CDH13: variants seen among roughly 807,000 people sequenced by gnomAD.
The protein encoded by CDH13 is cadherin 13, also known as cadherin-13.
In CDH13, 24 loss-of-function variants were observed where a neutral mutation model predicts 63.8. That is an observed-to-expected ratio of 0.38 (90% CI 0.27 to 0.53). The LOEUF (loss-of-function observed/expected upper bound fraction) is 0.53, where lower values mean the gene tolerates loss of function less well. CDH13 is among the 20% of genes least tolerant of loss of function. CDH13 has a pLI of 0.85. For synonymous variants in CDH13, 503 were observed against 355.3 expected, an observed-to-expected ratio of 1.42 and a Z score of -4.67; for missense variants, 1,049 against 903.1, an observed-to-expected ratio of 1.16 and a Z score of -2.07.
intron 8 of CDH13, among the ~76,000 whole-genome samples, chr16:83,620,389 CAAA>C (rs60446363): frequency 1.1e-4 from 11 of 97,344 alleles, no homozygotes; most frequent in Admixed American, 2.2e-4. Flanking sequence ...GACTCCGTCT[CAAA>C]AAAAAAAAAA....
intron 4 of CDH13, among the ~76,000 whole-genome samples, chr16:83,200,972 T>TGTGTGTGTGTGTGTG (rs2039012658): frequency 6.9e-6 from 1 of 144,996 alleles, no homozygotes; most frequent in African/African-American, 2.6e-5. Flanking sequence ...TGTGTGTGTG[T>TGTGTGTGTGTGTGTG]TATTGGGATC....
Position 83,328,562 on chromosome 16 carries a change from G to A in CDH13, c.637-16300G>A, listed in dbSNP as rs550650108. 1.2e-4 allele frequency among the ~76,000 whole-genome samples: 18 copies of A among 152,298 alleles called. No homozygotes were observed. The South Asian group carries it at 3.3e-3, about 28-fold the overall frequency. On this transcript the variant is annotated intron_variant, in intron 5 of 13. Transcript: ENST00000567109. ...TGGTGAATAGAGTGGGAGGACAAGA[G>A]CAGAAAGAGCAACTCAGAAACAATT...
At chr16:82,991,611 A>T (rs1397386572) in intron 2 of CDH13, among the ~76,000 whole-genome samples, 1 of 152,172 alleles carries the variant, frequency 6.6e-6, no homozygotes, top group Non-Finnish European at 1.5e-5. Flanking sequence ...CTTACCCTTG[A>T]CATGTGGGTG....
At chr16:83,319,581 C>T (rs1023560586) in intron 5 of CDH13, among the ~76,000 whole-genome samples, 1 of 152,070 alleles carries the variant, frequency 6.6e-6, no homozygotes, top group African/African-American at 2.4e-5. Context: ...ATATTGAAAT[C>T]CTCAATATTT....
chr16:82,862,672 A>T (rs764654349), intron 2 of CDH13, among the ~76,000 whole-genome samples: 1 of 152,354 alleles, frequency 6.6e-6, no homozygotes, highest in South Asian at 2.1e-4. Flanking sequence ...TTTACCTACA[A>T]TACAACTTGC....
intron 4 of CDH13, among the ~76,000 whole-genome samples, chr16:83,182,344 G>A (rs1299908523): frequency 6.6e-6 from 1 of 152,216 alleles, no homozygotes; most frequent in East Asian, 1.9e-4. Context: ...TGCAGGAGAA[G>A]GTGGAAGAGT....
chr16:82,629,484 A>G (rs1226319876), intron 1 of CDH13, among the ~76,000 whole-genome samples: 1 of 152,232 alleles, frequency 6.6e-6, no homozygotes, highest in African/African-American at 2.4e-5. Context: ...AAGTGGGGAA[A>G]GTCTTCGAGG....
chr16:82,850,231 G>GC (rs1182952853), intron 1 of CDH13, among the ~76,000 whole-genome samples: 2 of 151,830 alleles, frequency 1.3e-5, no homozygotes, highest in South Asian at 2.1e-4. Context: ...ATTCATGGGG[G>GC]GTGGTTAAAA....
intron 5 of CDH13, among the ~76,000 whole-genome samples, chr16:83,312,528 A>T (rs2090022932): frequency 6.6e-6 from 1 of 152,074 alleles, no homozygotes; most frequent in South Asian, 2.1e-4. Flanking sequence ...GCCAGGAGAG[A>T]GCTTCTGATT....
chr16:83,219,306 C>T (rs1394870876), intron 5 of CDH13, among the ~76,000 whole-genome samples: 2 of 89,230 alleles, frequency 2.2e-5, no homozygotes, highest in African/African-American at 3.4e-5. Context: ...CTTGGAGCTT[C>T]CCATACTTTT....
At chr16:83,763,162 C>G (rs1914112274) in intron 11 of CDH13, among the ~76,000 whole-genome samples, 1 of 152,106 alleles carries the variant, frequency 6.6e-6, no homozygotes, top group South Asian at 2.1e-4. Flanking sequence ...GACTTAGCAA[C>G]TTATATAAAG....
At chr16:82,932,079 G>T (rs1597239667) in intron 2 of CDH13, among the ~76,000 whole-genome samples, 1 of 152,250 alleles carries the variant, frequency 6.6e-6, no homozygotes, top group South Asian at 2.1e-4. Context: ...TGGCTTCTTT[G>T]CTTAGGACAG....
At chr16:82,752,956 C>G (rs1221946798) in intron 1 of CDH13, among the ~76,000 whole-genome samples, 2 of 152,182 alleles carry the variant, frequency 1.3e-5, no homozygotes, top group Non-Finnish European at 2.9e-5. Flanking sequence ...AGATAACAGT[C>G]AAATACATTT....
chr16:83,005,650 C>T (rs1318546628), intron 2 of CDH13, among the ~76,000 whole-genome samples: 2 of 152,230 alleles, frequency 1.3e-5, no homozygotes, highest in Non-Finnish European at 2.9e-5. Context: ...GTTTCAGAAA[C>T]AGTGTCAAAT....
intron 5 of CDH13, among the ~76,000 whole-genome samples, chr16:83,299,021 T>A (rs1472703391): frequency 1.3e-5 from 2 of 152,226 alleles, no homozygotes; most frequent in African/African-American, 4.8e-5. Context: ...AAATAACCAA[T>A]ATTCCTACCA....
intron 12 of CDH13, among the ~76,000 whole-genome samples, chr16:83,780,792 G>C (rs247396): frequency 0.25 from 37,620 of 152,024 alleles, 5,350 homozygotes; most frequent in East Asian, 0.6. Context: ...CTCAGACCTT[G>C]AAAAGATAGG....
chr16:82,750,981 A>C (rs2034390027), intron 1 of CDH13, among the ~76,000 whole-genome samples: 1 of 152,246 alleles, frequency 6.6e-6, no homozygotes, highest in African/African-American at 2.4e-5. Flanking sequence ...AGTCATCAGC[A>C]GTTTGCAAAA....
chr16:83,655,676 A>G (rs1202284939), intron 8 of CDH13, among the ~76,000 whole-genome samples: 1 of 152,234 alleles, frequency 6.6e-6, no homozygotes, highest in East Asian at 1.9e-4. Context: ...AAGACAGAGG[A>G]ATGTCAGCTC....
At chr16:82,939,847 A>G (rs2042779239) in intron 2 of CDH13, among the ~76,000 whole-genome samples, 1 of 152,138 alleles carries the variant, frequency 6.6e-6, no homozygotes, top group Admixed American at 6.5e-5. Context: ...TCATTCCACT[A>G]TAGGTATATT....
Sources: allele counts gnomAD v4.1 joint callset (sites outside exome capture counted in the v4.1 genomes callset), GRCh38; gene constraint gnomAD v4.1.1; transcripts MANE v1.5; gene names NCBI Gene and HGNC (gene_info 2026-07-23, HGNC 2026-07-21).